The following EPB41L3 variants were observed in gnomAD, a reference collection of about 807,000 sequenced individuals.
EPB41L3 encodes band 4.1-like protein 3.
Under a neutral mutation model 127.1 loss-of-function variants are expected in EPB41L3, and 57 were observed. The observed-to-expected ratio is 0.45, with a 90% confidence interval of 0.36 to 0.56. The LOEUF is 0.56. EPB41L3 is among the 20% of genes least tolerant of loss of function. The pLI, the probability that EPB41L3 is intolerant of heterozygous loss-of-function variation, is 0.00. For missense variants in EPB41L3, 1,273 were observed against 1,372.2 expected (o/e 0.93, Z 1.14); for synonymous variants, 572 against 549.5 (o/e 1.04, Z -0.57).
chr18:5,544,640 T>G (rs2093844676), upstream of EPB41L3, among the ~76,000 whole-genome samples: 1 of 152,196 alleles, frequency 6.6e-6, no homozygotes, highest in Non-Finnish European at 1.5e-5. Context: ...CCTGGTCATC[T>G]CACAATATCT....
chr18:5,551,911 T>A (rs2093971163), intron 3 of EPB41L3, among the ~76,000 whole-genome samples: 1 of 152,052 alleles, frequency 6.6e-6, no homozygotes, highest in African/African-American at 2.4e-5. Context: ...CTCTGGAGAG[T>A]GGGACCCAGG....
chr18:5,587,517 T>C (rs1009926641), intron 3 of EPB41L3, among the ~76,000 whole-genome samples: 1 of 152,194 alleles, frequency 6.6e-6, no homozygotes, highest in Non-Finnish European at 1.5e-5. Context: ...CAGTACTATC[T>C]GAGGTTTCAG....
intron 1 of EPB41L3, among the ~76,000 whole-genome samples, chr18:5,522,991 T>C (rs150431880): frequency 7.2e-5 from 11 of 152,288 alleles, no homozygotes; most frequent in African/African-American, 2.4e-4. Context: ...GTATTATATG[T>C]AGAGAGTACA....
rs923335232 is a variant in EPB41L3 at position 5,499,053 on chromosome 18, C to G, written c.-11-9859G>C. Reference sequence around the variant, plus strand: ...TAAGCCATGTGTGATGGTGTGATTACTTTTTAGTTAAACAGGGATGACGCC... The same window carrying G: ...TAAGCCATGTGTGATGGTGTGATTAGTTTTTAGTTAAACAGGGATGACGCC... On this transcript the variant is annotated intron_variant, in intron 1 of 22. Coordinates refer to ENST00000341928, the MANE Select transcript of EPB41L3 (RefSeq NM_012307.5). Among the ~76,000 whole-genome samples the G allele has an allele frequency of 2.6e-5, 4 of 152,148 alleles. 1 individual carries two copies. The highest frequency in any genetic ancestry group is 2.6e-4 in the Admixed American group (4 of 15,286).
At chr18:5,517,581 A>G (rs1242465295) in intron 1 of EPB41L3, among the ~76,000 whole-genome samples, 1 of 152,050 alleles carries the variant, frequency 6.6e-6, no homozygotes, top group Non-Finnish European at 1.5e-5. Flanking sequence ...GACTACAGGC[A>G]TGAACCAGTG....
intron 3 of EPB41L3, among the ~76,000 whole-genome samples, chr18:5,574,385 T>G (rs529630218): frequency 1.4e-3 from 218 of 151,590 alleles, no homozygotes; most frequent in Non-Finnish European, 2.7e-3. Context: ...AATCAGTTTT[T>G]TTTTTTTTTT....
At chr18:5,577,298 A>G (rs1176472901) in intron 3 of EPB41L3, 3 of 448,276 alleles carry the variant, frequency 6.7e-6, no homozygotes, top group South Asian at 1.6e-5. Flanking sequence ...TCTCACAAGC[A>G]TACATTAATG....
chr18:5,497,193 T>C (rs539495223), intron 1 of EPB41L3, among the ~76,000 whole-genome samples: 1 of 152,254 alleles, frequency 6.6e-6, no homozygotes, highest in South Asian at 2.1e-4. Flanking sequence ...ATAAGGTAGA[T>C]ATGAGGAGGG....
chr18:5,405,754 C>A (rs937217656), intron 16 of EPB41L3, among the ~76,000 whole-genome samples: 2 of 148,500 alleles, frequency 1.3e-5, no homozygotes, highest in African/African-American at 5.0e-5. Flanking sequence ...TCAGCATGGG[C>A]GACAGAGAGA....
At chr18:5,411,969 G>C (rs6506299) in intron 13 of EPB41L3, among the ~76,000 whole-genome samples, 11,154 of 152,228 alleles carry the variant, frequency 0.073, 773 homozygotes, top group African/African-American at 0.18. Flanking sequence ...TAAGGAAAGC[G>C]TGTTGACCCA....
intron 22 of EPB41L3, 164 bp from the exon 23 acceptor site, chr18:5,393,642 T>G: frequency 2.0e-6 from 1 of 503,842 alleles, no homozygotes. Flanking sequence ...TTCTCTTAAG[T>G]AATTACAACA....
intron 1 of EPB41L3, among the ~76,000 whole-genome samples, chr18:5,522,150 T>C (rs1231845964): frequency 2.0e-5 from 3 of 152,160 alleles, no homozygotes; most frequent in Non-Finnish European, 4.4e-5. Context: ...GTTGCCCAGG[T>C]TGGAGTGCAG....
Position 5,519,134 on chromosome 18 carries a change from G to A in EPB41L3, c.-12+24779C>T, listed in dbSNP as rs73381518. 7.9e-5 allele frequency among the ~76,000 whole-genome samples: 12 copies of A among 152,282 alleles called. No homozygotes were observed. The East Asian group carries it at 1.9e-3, about 24-fold the overall frequency. On this transcript the variant is annotated intron_variant, in intron 1 of 22. Transcript: ENST00000341928. ...TAAGCTTTCAGGAGAAGAAAACGAC[G>A]AGTGAAACAACAACAAATCTTCAAT...
Position 5,489,105 on chromosome 18 carries a change from C to A in EPB41L3, c.79G>T (p.Gly27Trp), listed in dbSNP as rs1372304112. The change falls in exon 2 of 23, where the codon GGG becomes TGG. Residue 27 changes from glycine to tryptophan, a missense_variant. Transcript: ENST00000341928. ...TCCGGCACGGGCGCCCCCGCGCGCC[C>A]CTGCGCCCCCGCCGCCTCCTGGGGC... Reference protein sequence around the residue: ...AEPQEAAGAQGRAGAPVPEPP... With the variant: ...AEPQEAAGAQWRAGAPVPEPP... The A allele has an allele frequency of 1.9e-6, 3 of 1,595,842 alleles. No homozygotes were observed. The highest frequency in any genetic ancestry group is 2.2e-5 in the South Asian group (2 of 89,620).
intron 3 of EPB41L3, among the ~76,000 whole-genome samples, chr18:5,606,266 G>A (rs534359101): frequency 6.6e-6 from 1 of 152,292 alleles, no homozygotes; most frequent in East Asian, 1.9e-4. Context: ...CATTTTGGGA[G>A]GGCAGGTGGG....
intron 1 of EPB41L3, among the ~76,000 whole-genome samples, chr18:5,526,206 A>C (rs1252912348): frequency 6.6e-6 from 1 of 152,252 alleles, no homozygotes; most frequent in Admixed American, 6.5e-5. Context: ...ATTATCAGAC[A>C]TCCTAAAATC....
chr18:5,496,731 T>C (rs1248352374), intron 1 of EPB41L3, among the ~76,000 whole-genome samples: 2 of 152,242 alleles, frequency 1.3e-5, no homozygotes, highest in East Asian at 3.8e-4. Flanking sequence ...CTGACAAGGC[T>C]TTTTTGCTTT....
At chr18:5,615,422 A>G (rs2094782636) in intron 1 of EPB41L3, among the ~76,000 whole-genome samples, 1 of 152,046 alleles carries the variant, frequency 6.6e-6, no homozygotes, top group South Asian at 2.1e-4. Flanking sequence ...TTTACTGGGT[A>G]TATGAGATGT....
chr18:5,392,816 A>C lies in EPB41L3; in HGVS notation c.*669T>G, dbSNP rs1015292957. Reference sequence around the variant, plus strand: ...AAGCAAACAACAAGGAAGAAATCGCATTAATATGCTAAAATCAGTACTACC... The same window carrying C: ...AAGCAAACAACAAGGAAGAAATCGCCTTAATATGCTAAAATCAGTACTACC... On this transcript the variant is annotated 3_prime_UTR_variant, in exon 23 of 23. Transcript: ENST00000341928. 1 of 152,530 alleles carries C rather than the reference A, an allele frequency of 6.6e-6. No individual in the cohort carries two copies. The highest frequency in any genetic ancestry group is 2.4e-5 in the African/African-American group (1 of 41,472). 9.4% of individuals were successfully genotyped at this position (152,530 alleles called of 1,614,324 possible).
Sources: gnomAD v4.1 joint callset for allele counts (sites outside exome capture counted in the v4.1 genomes callset) on GRCh38, gnomAD v4.1.1 for gene constraint, MANE v1.5 for transcripts, NCBI Gene and HGNC (gene_info 2026-07-23, HGNC 2026-07-21) for gene names.